Variants in GLIS1 observed in about 807,000 individuals in gnomAD.
GLIS1 encodes zinc finger protein GLIS1.
In GLIS1, 24 loss-of-function variants were observed where a neutral mutation model predicts 63.8. The ratio of observed to expected loss-of-function variants is 0.38; its 90% confidence interval spans 0.27 to 0.53. The LOEUF (loss-of-function observed/expected upper bound fraction) is 0.53, where lower values mean the gene tolerates loss of function less well. Ranked by LOEUF, GLIS1 falls within the 20% of genes least tolerant of loss-of-function variation. The pLI, the probability that GLIS1 is intolerant of heterozygous loss-of-function variation, is 0.85. For synonymous variants in GLIS1, 450 were observed against 482.5 expected (o/e 0.93, Z 0.88); for missense variants, 1,036 against 1,074.1 (o/e 0.96, Z 0.50).
At chr1:53,525,622 C>T (rs1427420096) in intron 5 of GLIS1, among the ~76,000 whole-genome samples, 4 of 151,556 alleles carry the variant, frequency 2.6e-5, no homozygotes, top group Non-Finnish European at 4.4e-5. Flanking sequence ...TGCCCAGGCC[C>T]CACCCTGCCC....
At chr1:53,704,454 A>C (rs1469371516) in intron 2 of GLIS1, among the ~76,000 whole-genome samples, 1 of 152,210 alleles carries the variant, frequency 6.6e-6, no homozygotes, top group Non-Finnish European at 1.5e-5. Flanking sequence ...CCCTGACCTC[A>C]GGGGGTCTTT....
intron 4 of GLIS1, among the ~76,000 whole-genome samples, chr1:53,530,267 G>T (rs933660989): frequency 2.0e-5 from 3 of 152,256 alleles, no homozygotes; most frequent in Non-Finnish European, 2.9e-5. Flanking sequence ...CACTTGCCCT[G>T]ACCACAGCAC....
intron 4 of GLIS1, among the ~76,000 whole-genome samples, chr1:53,551,268 G>C (rs1644756592): frequency 1.3e-5 from 2 of 152,144 alleles, no homozygotes; most frequent in South Asian, 4.1e-4. Context: ...CTCTTTTTCT[G>C]GTTTGCCAAA....
intron 8 of GLIS1, among the ~76,000 whole-genome samples, chr1:53,513,699 G>A (rs536739615): frequency 3.9e-5 from 6 of 152,306 alleles, no homozygotes; most frequent in East Asian, 3.9e-4. Context: ...CAGAGTCATC[G>A]AGGCACCAGC....
chr1:53,665,147 G>A (rs1646077469), intron 2 of GLIS1, among the ~76,000 whole-genome samples: 1 of 152,176 alleles, frequency 6.6e-6, no homozygotes, highest in Non-Finnish European at 1.5e-5. Context: ...TGCTAGCTTG[G>A]GCCAGGATGA....
intron 4 of GLIS1, among the ~76,000 whole-genome samples, chr1:53,531,979 A>C (rs545418741): frequency 6.6e-6 from 1 of 152,302 alleles, no homozygotes; most frequent in Admixed American, 6.5e-5. Flanking sequence ...AAAAAGGCAC[A>C]GATTCCCTGT....
At chr1:53,657,096 AC>A (rs1320096092) in intron 2 of GLIS1, among the ~76,000 whole-genome samples, 2 of 152,090 alleles carry the variant, frequency 1.3e-5, no homozygotes, top group Non-Finnish European at 2.9e-5. Flanking sequence ...CCTGTTTGCC[AC>A]CCCCGGGCTA....
At chr1:53,621,262 C>A (rs190254642) in intron 2 of GLIS1, among the ~76,000 whole-genome samples, 1 of 152,238 alleles carries the variant, frequency 6.6e-6, no homozygotes, top group African/African-American at 2.4e-5. Context: ...TGTATCCCCC[C>A]CAAGTCTCCC....
intron 2 of GLIS1, among the ~76,000 whole-genome samples, chr1:53,662,728 C>T (rs1466537968): frequency 6.6e-6 from 1 of 152,136 alleles, no homozygotes; most frequent in Non-Finnish European, 1.5e-5. Flanking sequence ...CACCTCCAAA[C>T]CTATGCCTCC....
At chr1:53,509,684 G>A (rs1462923301) in intron 9 of GLIS1, among the ~76,000 whole-genome samples, 165 bp downstream of exon 9, 1 of 152,170 alleles carries the variant, frequency 6.6e-6, no homozygotes, top group East Asian at 1.9e-4. Context: ...CCCTCAGCTG[G>A]GCCTCTTATG....
intron 2 of GLIS1, among the ~76,000 whole-genome samples, chr1:53,707,635 G>A (rs1646593912): frequency 6.6e-6 from 1 of 151,234 alleles, no homozygotes; most frequent in Non-Finnish European, 1.5e-5. Flanking sequence ...GGGTGACAAA[G>A]TGAGACTCCG....
At chr1:53,661,971 T>C (rs563443711) in intron 2 of GLIS1, among the ~76,000 whole-genome samples, 1 of 152,212 alleles carries the variant, frequency 6.6e-6, no homozygotes, top group African/African-American at 2.4e-5. Context: ...TGGAGGGCCA[T>C]AGATTGGGGC....
At chr1:53,600,383 C>A (rs933191910) in intron 2 of GLIS1, 105 bp from the exon 3 acceptor site, 1 of 572,802 alleles carries the variant, frequency 1.7e-6, no homozygotes, top group Non-Finnish European at 2.6e-6. Flanking sequence ...GACAGGGCAC[C>A]CAGAGCCAAC....
rs1045329196 is a variant in GLIS1, at chr1:53,526,623, A to G, written c.1483-1736T>C. Among the ~76,000 whole-genome samples the G allele has an allele frequency of 2.0e-5, 3 of 152,294 alleles. No individual in the cohort carries two copies. Among genetic ancestry groups the G allele is most frequent in the African/African-American group, 7.2e-5 (3 of 41,560 alleles). ...GCACGGCACACACACGTGCGTTCAC[A>G]TGTGCCCAGGCACACACACGGCCCT... On this transcript the variant is annotated intron_variant, in intron 5 of 10. Coordinates refer to ENST00000628545, the MANE Select transcript of GLIS1 (RefSeq NM_001367484.1). This position sits in a 1 kb window ranked among gnomAD's most constrained non-coding sequence, Gnocchi z 4.4.
chr1:53,549,564 T>G (rs901444051), intron 4 of GLIS1, among the ~76,000 whole-genome samples: 1 of 152,270 alleles, frequency 6.6e-6, no homozygotes, highest in South Asian at 2.1e-4. Context: ...GCCATCTGTA[T>G]CTCTTCTTTG....
intron 2 of GLIS1, among the ~76,000 whole-genome samples, chr1:53,617,897 G>A (rs186613022): frequency 3.3e-4 from 51 of 152,244 alleles, no homozygotes; most frequent in African/African-American, 1.2e-3. Context: ...AGTGAGTGGG[G>A]GTGAGCAGGA....
chr1:53,548,060 C>T (rs1023249389), intron 4 of GLIS1, among the ~76,000 whole-genome samples: 2 of 152,240 alleles, frequency 1.3e-5, no homozygotes, highest in Middle Eastern at 3.2e-3. Context: ...CCCTGCTGGC[C>T]GCATCCTCTG....
At chr1:53,715,410 C>G (rs533653171) in intron 2 of GLIS1, among the ~76,000 whole-genome samples, 130 of 152,280 alleles carry the variant, frequency 8.5e-4, no homozygotes, top group African/African-American at 3.0e-3. Context: ...GCAAGAGAGG[C>G]AGAGTCATGT....
At chr1:53,644,575 AGTAAGGGG>A (rs1645822168) in intron 2 of GLIS1, among the ~76,000 whole-genome samples, 1 of 152,008 alleles carries the variant, frequency 6.6e-6, no homozygotes. Flanking sequence ...AACTGAGTAG[AGTAAGGGG>A]ATGGGGGTGC....
Sources: gnomAD v4.1 joint callset for allele counts (sites outside exome capture counted in the v4.1 genomes callset) on GRCh38, gnomAD v4.1.1 for gene constraint, Gnocchi (gnomAD v3.1) non-coding constraint, MANE v1.5 for transcripts, NCBI Gene and HGNC (gene_info 2026-07-23, HGNC 2026-07-21) for gene names.